KCNT2: variants seen among roughly 807,000 people sequenced by gnomAD.
KCNT2 encodes potassium sodium-activated channel subfamily T member 2.
KCNT2 carries 67 observed loss-of-function variants against 153.8 expected under a neutral mutation model. That is an observed-to-expected ratio of 0.44 (90% confidence interval 0.36 to 0.53). The LOEUF is 0.53. Ranked by LOEUF, KCNT2 falls within the 20% of genes least tolerant of loss-of-function variation. KCNT2 has a pLI of 0.00. For missense variants in KCNT2, 975 were observed against 1,354.8 expected, an observed-to-expected ratio of 0.72 and a Z score of 4.40; for synonymous variants, 500 against 458.8, an observed-to-expected ratio of 1.09 and a Z score of -1.15.
chr1:196,500,432 C>T (rs774988236), intron 1 of KCNT2, among the ~76,000 whole-genome samples: 4 of 152,138 alleles, frequency 2.6e-5, no homozygotes, highest in African/African-American at 7.2e-5. Context: ...CTTTTTCTTG[C>T]TTCTTGCCTT....
At chr1:196,601,392 T>C (rs928474486) in intron 1 of KCNT2, among the ~76,000 whole-genome samples, 2 of 152,238 alleles carry the variant, frequency 1.3e-5, no homozygotes, top group African/African-American at 4.8e-5. Context: ...CGGTTTCCAC[T>C]ACTGTAAAAT....
At chr1:196,413,089 G>A (rs1032564650) in intron 12 of KCNT2, among the ~76,000 whole-genome samples, 6 of 151,602 alleles carry the variant, frequency 4.0e-5, no homozygotes, top group African/African-American at 1.4e-4. Context: ...ACAGAAAGCT[G>A]ATACCAGAAA....
intron 14 of KCNT2, among the ~76,000 whole-genome samples, chr1:196,353,110 C>A (rs1245409026): frequency 1.3e-5 from 2 of 151,876 alleles, no homozygotes; most frequent in Non-Finnish European, 2.9e-5. Flanking sequence ...AGAGTATGGG[C>A]TGCTCCACAG....
At chr1:196,520,772 T>C (rs1218184738) in intron 1 of KCNT2, among the ~76,000 whole-genome samples, 4 of 152,098 alleles carry the variant, frequency 2.6e-5, no homozygotes, top group Non-Finnish European at 5.9e-5. Flanking sequence ...TGGACACATT[T>C]CTTACACCAT....
chr1:196,432,608 T>A (rs1189936165), intron 8 of KCNT2, among the ~76,000 whole-genome samples: 1 of 152,116 alleles, frequency 6.6e-6, no homozygotes, highest in African/African-American at 2.4e-5. Context: ...TGGGACCTAT[T>A]ACCCATTTCT....
intron 16 of KCNT2, among the ~76,000 whole-genome samples, chr1:196,334,279 T>C (rs1168569676): frequency 2.6e-5 from 4 of 151,924 alleles, no homozygotes; most frequent in African/African-American, 4.8e-5. Context: ...TGCACAAAAG[T>C]GTATTTGCAG....
intron 25 of KCNT2, 113 bp downstream of exon 25, chr1:196,280,747 T>A: frequency 2.0e-6 from 2 of 1,010,666 alleles, no homozygotes; most frequent in Non-Finnish European, 3.0e-6. Flanking sequence ...CGTATTCAGG[T>A]AGCATTCTTT....
At position 196,445,311 on chromosome 1, in the gene KCNT2, AT is replaced by A. The variant is rs1232329985; in HGVS notation, c.639-15555del. On this transcript the variant is annotated intron_variant, in intron 8 of 27. Coordinates refer to ENST00000294725, the MANE Select transcript of KCNT2 (RefSeq NM_198503.5). ...CAGCTAATTTAAACGATTTGTACACATTTATTGCATTTCCAAAAGAATATCT... is the reference window on the plus strand; with the variant it reads ...CAGCTAATTTAAACGATTTGTACACATTATTGCATTTCCAAAAGAATATCT... Among the ~76,000 whole-genome samples the A allele has an allele frequency of 2.8e-3, 420 of 151,546 alleles. 1 individual carries two copies. The highest frequency in any genetic ancestry group is 9.7e-3 in the African/African-American group (402 of 41,512).
intron 26 of KCNT2, among the ~76,000 whole-genome samples, chr1:196,246,354 C>A (rs981741227): frequency 2.0e-5 from 3 of 152,076 alleles, no homozygotes; most frequent in Non-Finnish European, 2.9e-5. Context: ...CAACACCAGA[C>A]CTGCTATAAG....
At chr1:196,359,458 T>C (rs1667444761) in intron 14 of KCNT2, among the ~76,000 whole-genome samples, 1 of 152,058 alleles carries the variant, frequency 6.6e-6, no homozygotes, top group Non-Finnish European at 1.5e-5. Flanking sequence ...GTTCATAAAC[T>C]ACTTGGAACC....
At chr1:196,516,598 C>CCA (rs1208582398) in intron 1 of KCNT2, among the ~76,000 whole-genome samples, 1 of 152,172 alleles carries the variant, frequency 6.6e-6, no homozygotes, top group Non-Finnish European at 1.5e-5. Context: ...CTGGAGCAGA[C>CCA]CACAACACAG....
At chr1:196,508,802 T>C (rs573641732) in intron 1 of KCNT2, among the ~76,000 whole-genome samples, 20 of 152,324 alleles carry the variant, frequency 1.3e-4, no homozygotes, top group African/African-American at 4.6e-4. Flanking sequence ...GTTGCAGATA[T>C]GTGAATCAAA....
chr1:196,595,257 G>A (rs1329511921), intron 1 of KCNT2, among the ~76,000 whole-genome samples: 1 of 151,828 alleles, frequency 6.6e-6, no homozygotes, highest in Non-Finnish European at 1.5e-5. Context: ...TGATATTAAT[G>A]AATTAATTGA....
chr1:196,232,953 A>C (rs1478893079), intron 27 of KCNT2, among the ~76,000 whole-genome samples: 1 of 151,380 alleles, frequency 6.6e-6, no homozygotes. Context: ...TATTTATTTG[A>C]AAAAAGGTAT....
intron 2 of KCNT2, 128 bp downstream of exon 2, chr1:196,492,134 A>C (rs537131892): frequency 2.1e-6 from 2 of 931,330 alleles, no homozygotes; most frequent in Non-Finnish European, 2.9e-6. Flanking sequence ...TTATTCCTCT[A>C]CCACCTGCTG....
intron 8 of KCNT2, among the ~76,000 whole-genome samples, chr1:196,455,305 C>T (rs952683937): frequency 6.6e-6 from 1 of 152,020 alleles, no homozygotes; most frequent in Non-Finnish European, 1.5e-5. Flanking sequence ...AGAACATGGA[C>T]ATCTTTGAAG....
intron 1 of KCNT2, among the ~76,000 whole-genome samples, chr1:196,561,787 G>C (rs1395217129): frequency 6.6e-6 from 1 of 151,272 alleles, no homozygotes; most frequent in Non-Finnish European, 1.5e-5. Flanking sequence ...ATACATTTTA[G>C]GCAGACAAGA....
chr1:196,280,627 A>G (rs1659005601), intron 25 of KCNT2, among the ~76,000 whole-genome samples: 1 of 152,204 alleles, frequency 6.6e-6, no homozygotes, highest in Non-Finnish European at 1.5e-5. Context: ...CTAAAGCCCA[A>G]CATCCATAAA....
At chr1:196,414,405 C>A (rs1399396078) in intron 12 of KCNT2, among the ~76,000 whole-genome samples, 2 of 151,718 alleles carry the variant, frequency 1.3e-5, no homozygotes, top group African/African-American at 4.8e-5. Context: ...AAATCATAAG[C>A]ATTTCACTAA....
Sources: allele counts gnomAD v4.1 joint callset (sites outside exome capture counted in the v4.1 genomes callset), GRCh38; gene constraint gnomAD v4.1.1; transcripts MANE v1.5; gene names NCBI Gene and HGNC (gene_info 2026-07-23, HGNC 2026-07-21).